Variants in FER observed in about 807,000 individuals in gnomAD.
FER encodes FER tyrosine kinase, also known as tyrosine-protein kinase Fer.
FER carries 63 observed loss-of-function variants against 111.0 expected under a neutral mutation model. That is an observed-to-expected ratio of 0.57 (90% CI 0.46 to 0.70). The LOEUF is 0.70. FER is among the 30% of genes least tolerant of loss of function. FER has a pLI of 0.00. For missense variants in FER, 914 were observed against 954.0 expected (o/e 0.96, Z 0.55); for synonymous variants, 327 against 313.9 (o/e 1.04, Z -0.44).
intron 13 of FER, among the ~76,000 whole-genome samples, chr5:108,960,643 A>T (rs769200428): frequency 1.3e-5 from 2 of 152,084 alleles, no homozygotes; most frequent in Non-Finnish European, 2.9e-5. Context: ...AGTCAAAGCA[A>T]TCTATTCTCA....
intron 1 of FER, among the ~76,000 whole-genome samples, chr5:108,754,265 G>A (rs551127523): frequency 1.3e-5 from 2 of 152,064 alleles, no homozygotes; most frequent in African/African-American, 4.8e-5. Context: ...TAAAAAATTA[G>A]CCCGATATGA....
At chr5:108,757,699 A>G (rs1408299937) in intron 1 of FER, among the ~76,000 whole-genome samples, 1 of 152,208 alleles carries the variant, frequency 6.6e-6, no homozygotes, top group Non-Finnish European at 1.5e-5. Context: ...CACCCTCAAC[A>G]ATAATATTTG....
chr5:109,145,384 A>G (rs926379889), intron 17 of FER, among the ~76,000 whole-genome samples: 2 of 151,626 alleles, frequency 1.3e-5, no homozygotes, highest in Non-Finnish European at 2.9e-5. Flanking sequence ...TGAGGAAGGA[A>G]AAGGATGATT....
At chr5:108,862,148 A>G (rs1279214288) in intron 5 of FER, among the ~76,000 whole-genome samples, 2 of 152,218 alleles carry the variant, frequency 1.3e-5, no homozygotes, top group Non-Finnish European at 2.9e-5. Flanking sequence ...TTAATACAAT[A>G]GATTCTGCAT....
chr5:109,157,732 A>G (rs941903454), intron 17 of FER, among the ~76,000 whole-genome samples: 12 of 152,206 alleles, frequency 7.9e-5, no homozygotes, highest in Non-Finnish European at 4.4e-5. Flanking sequence ...TCTGATACAA[A>G]TTTAGTTTCA....
rs1018205189 is a variant in FER, at chr5:109,047,095, C to T, written c.1830-9C>T. On this transcript the variant is annotated splice_polypyrimidine_tract_variant and intron_variant, in intron 15 of 19. Coordinates refer to ENST00000281092, the MANE Select transcript of FER (RefSeq NM_005246.4). ...ATGATAACTATTCGTATATTTTCATCTCATCTAGAATTCTCAAGCAATATG... is the reference window on the plus strand; with the variant it reads ...ATGATAACTATTCGTATATTTTCATTTCATCTAGAATTCTCAAGCAATATG... 1.4e-6 allele frequency: 2 copies of T among 1,442,470 alleles called. No homozygotes were observed. The highest frequency in any genetic ancestry group is 2.4e-5 in the South Asian group (2 of 82,072). 89.4% of individuals were successfully genotyped at this position (1,442,470 alleles called of 1,614,324 possible).
chr5:109,065,911 G>C (rs1285721357), intron 16 of FER, among the ~76,000 whole-genome samples: 2 of 152,110 alleles, frequency 1.3e-5, no homozygotes, highest in African/African-American at 4.8e-5. Flanking sequence ...ACCTTTGTTT[G>C]AAAGAGTAAA....
intron 17 of FER, among the ~76,000 whole-genome samples, chr5:109,147,489 C>T (rs986619065): frequency 1.3e-5 from 2 of 151,722 alleles, no homozygotes; most frequent in Non-Finnish European, 2.9e-5. Context: ...CAACATCATT[C>T]ATGATAGTTT....
At chr5:108,904,550 C>T (rs1750479808) in intron 10 of FER, among the ~76,000 whole-genome samples, 1 of 152,020 alleles carries the variant, frequency 6.6e-6, no homozygotes, top group Admixed American at 6.6e-5. Context: ...TCATACAGAC[C>T]CACGTAGGAC....
chr5:108,899,670 G>A (rs1749720307), intron 10 of FER, among the ~76,000 whole-genome samples: 1 of 151,958 alleles, frequency 6.6e-6, no homozygotes, highest in Non-Finnish European at 1.5e-5. Flanking sequence ...TGGGTGTGGT[G>A]GTGTGTGCCT....
intron 16 of FER, among the ~76,000 whole-genome samples, chr5:109,078,047 A>T (rs1776567960): frequency 6.6e-6 from 1 of 152,198 alleles, no homozygotes; most frequent in Non-Finnish European, 1.5e-5. Flanking sequence ...AGCAATCACC[A>T]GTATACTCAA....
chr5:109,114,259 AG>A (rs906337842), intron 17 of FER, among the ~76,000 whole-genome samples: 2 of 152,126 alleles, frequency 1.3e-5, no homozygotes, highest in African/African-American at 4.8e-5. Context: ...ATTTAATATG[AG>A]TAATTTATTT....
At chr5:109,146,061 A>G (rs1039663865) in intron 17 of FER, among the ~76,000 whole-genome samples, 10 of 151,190 alleles carry the variant, frequency 6.6e-5, no homozygotes, top group African/African-American at 2.2e-4. Context: ...AAAAAACTAT[A>G]TAATGTAGAG....
intron 13 of FER, among the ~76,000 whole-genome samples, chr5:108,998,736 T>C (rs1764335462): frequency 6.6e-6 from 1 of 152,214 alleles, no homozygotes; most frequent in African/African-American, 2.4e-5. Context: ...TGTCTTTAGT[T>C]CTGTTTATGT....
chr5:109,017,514 C>T lies in FER; in HGVS notation c.1657-19908C>T, dbSNP rs921080320. On this transcript the variant is annotated intron_variant, in intron 13 of 19. Transcript: ENST00000281092. ...TAAATAAGTCTTGTATATTCACAGT[C>T]TTTCTGTTATTCATTGTTGAACCTT... Among the ~76,000 whole-genome samples, 34 of 151,842 alleles carry T rather than the reference C, an allele frequency of 2.2e-4. 1 individual carries two copies. The highest frequency in any genetic ancestry group is 8.0e-4 in the African/African-American group (33 of 41,366).
chr5:109,111,782 G>A (rs1749651078), intron 17 of FER, among the ~76,000 whole-genome samples: 1 of 152,052 alleles, frequency 6.6e-6, no homozygotes, highest in African/African-American at 2.4e-5. Context: ...ACTATCATGA[G>A]AACAGCATGG....
At position 109,028,351 on chromosome 5, in the gene FER, TAAA is replaced by T. The variant is rs140521437; in HGVS notation, c.1657-9067_1657-9065del. ...CAAACAAAGTATGTAAATCATAAGTTAAAAAATCTGTTAGGAATAGAACTTGAA... is the reference window on the plus strand; with the variant it reads ...CAAACAAAGTATGTAAATCATAAGTTAAATCTGTTAGGAATAGAACTTGAA... On this transcript the variant is annotated intron_variant, in intron 13 of 19. Transcript: ENST00000281092. Among the ~76,000 whole-genome samples, 1,257 of 152,314 alleles carry T rather than the reference TAAA, an allele frequency of 8.3e-3. 20 individuals carry two copies. Among genetic ancestry groups the T allele is most frequent in the African/African-American group, 0.028 (1,182 of 41,578 alleles).
At chr5:109,107,606 T>A (rs550652274) in intron 17 of FER, among the ~76,000 whole-genome samples, 3 of 152,214 alleles carry the variant, frequency 2.0e-5, no homozygotes, top group African/African-American at 7.2e-5. Context: ...TGTGTTAGTT[T>A]CCTTTATCAT....
chr5:108,848,766 CTTTA>C (rs1053327482), intron 5 of FER, among the ~76,000 whole-genome samples: 2 of 151,852 alleles, frequency 1.3e-5, no homozygotes, highest in African/African-American at 4.8e-5. Flanking sequence ...TTCCAGCATT[CTTTA>C]TTTATTTATC....
Sources: allele counts gnomAD v4.1 joint callset (sites outside exome capture counted in the v4.1 genomes callset), GRCh38; gene constraint gnomAD v4.1.1; transcripts MANE v1.5; gene names NCBI Gene and HGNC (gene_info 2026-07-23, HGNC 2026-07-21).